The following STIM2 variants were observed in gnomAD, a reference collection of about 807,000 sequenced individuals.
STIM2 encodes stromal interaction molecule 2.
STIM2 carries 31 observed loss-of-function variants against 85.8 expected under a neutral mutation model. The ratio of observed to expected loss-of-function variants is 0.36; its 90% confidence interval spans 0.27 to 0.49. STIM2 has a LOEUF of 0.49. STIM2 is among the 20% of genes least tolerant of loss of function. The pLI is 0.98. For synonymous variants in STIM2, 356 were observed against 331.1 expected, an observed-to-expected ratio of 1.08 and a Z score of -0.82; for missense variants, 841 against 927.6, an observed-to-expected ratio of 0.91 and a Z score of 1.21.
At chr4:26,948,764 G>A (rs1232464069) in intron 2 of STIM2, among the ~76,000 whole-genome samples, 5 of 151,798 alleles carry the variant, frequency 3.3e-5, no homozygotes, top group Admixed American at 2.6e-4. Flanking sequence ...GATAAATTAT[G>A]TATTACTAAT....
rs1491493168 is a variant in STIM2 at position 26,860,923 on chromosome 4, CCT to C, written c.-295_-294del. On this transcript the variant is annotated 5_prime_UTR_variant, in exon 1 of 12. Coordinates refer to ENST00000467087, the MANE Select transcript of STIM2 (RefSeq NM_020860.4). ...AGACGCCGTACCTTTCTACCCCCCA[CCT>C]TTTTTTTTTTTTTTTTTAAATAACC... 3 of 852,106 alleles carry C rather than the reference CCT, an allele frequency of 3.5e-6. No individual in the cohort carries two copies. The highest frequency in any genetic ancestry group is 1.9e-5 in the South Asian group (1 of 51,388). The allele number at this position is 852,106 out of a possible 1,614,324, so 52.8% of individuals were successfully genotyped here.
At chr4:26,940,749 A>G (rs1382677509) in intron 2 of STIM2, among the ~76,000 whole-genome samples, 1 of 152,114 alleles carries the variant, frequency 6.6e-6, no homozygotes, top group Non-Finnish European at 1.5e-5. Context: ...TTAGAACATA[A>G]TATTTTGCTA....
intron 2 of STIM2, among the ~76,000 whole-genome samples, chr4:26,951,177 AC>A (rs1305936764): frequency 6.6e-6 from 1 of 152,122 alleles, no homozygotes; most frequent in Non-Finnish European, 1.5e-5. Context: ...AAACTCTTGA[AC>A]TTTTTATACA....
At chr4:26,967,825 C>G (rs1255925669) in intron 3 of STIM2, among the ~76,000 whole-genome samples, 2 of 152,132 alleles carry the variant, frequency 1.3e-5, no homozygotes, top group East Asian at 1.9e-4. Context: ...TCCCCCTCCC[C>G]CCTCCTCCAA....
intron 1 of STIM2, chr4:26,873,890 C>T: frequency 1.5e-6 from 2 of 1,353,924 alleles, no homozygotes; most frequent in Non-Finnish European, 2.1e-6. Context: ...CTCCTTCTCC[C>T]AGGGGTCTGC....
At chr4:26,971,456 A>G (rs1044483951) in intron 3 of STIM2, among the ~76,000 whole-genome samples, 1 of 152,176 alleles carries the variant, frequency 6.6e-6, no homozygotes, top group African/African-American at 2.4e-5. Context: ...TCAGCTTTCT[A>G]CATATAGCTA....
At chr4:26,969,793 A>G (rs1577469890) in intron 3 of STIM2, among the ~76,000 whole-genome samples, 1 of 152,154 alleles carries the variant, frequency 6.6e-6, no homozygotes, top group African/African-American at 2.4e-5. Flanking sequence ...GTTTTCAAGG[A>G]TGCCCCAAAG....
intron 3 of STIM2, among the ~76,000 whole-genome samples, chr4:26,982,345 A>G (rs749774767): frequency 9.2e-5 from 14 of 152,114 alleles, no homozygotes; most frequent in Non-Finnish European, 1.9e-4. Context: ...TGTTACTATT[A>G]TGATTTTGAT....
At chr4:26,937,680 A>C (rs1013929900) in intron 2 of STIM2, among the ~76,000 whole-genome samples, 2 of 152,228 alleles carry the variant, frequency 1.3e-5, no homozygotes, top group African/African-American at 4.8e-5. Context: ...TAATAATTAC[A>C]TCCAGACAAA....
intron 1 of STIM2, among the ~76,000 whole-genome samples, chr4:26,886,322 T>C (rs76277674): frequency 6.6e-6 from 1 of 152,242 alleles, no homozygotes; most frequent in East Asian, 1.9e-4. Context: ...TTGTAGGTAT[T>C]GGAGCAATGA....
At chr4:26,898,276 G>A (rs546781557) in intron 1 of STIM2, among the ~76,000 whole-genome samples, 1 of 152,182 alleles carries the variant, frequency 6.6e-6, no homozygotes, top group Non-Finnish European at 1.5e-5. Context: ...GTAAGATTTA[G>A]CAGCTTGGTT....
chr4:26,946,156 TATAAAG>T (rs1347584385), intron 2 of STIM2, among the ~76,000 whole-genome samples: 12 of 152,192 alleles, frequency 7.9e-5, no homozygotes. Flanking sequence ...GTTTCAGTTG[TATAAAG>T]ATAGTGTTGC....
At chr4:26,937,315 G>C (rs762596247) in intron 2 of STIM2, among the ~76,000 whole-genome samples, 1 of 152,124 alleles carries the variant, frequency 6.6e-6, no homozygotes, top group Admixed American at 6.5e-5. Flanking sequence ...GTGGGAGTAG[G>C]GTTGTGAATT....
chr4:26,895,628 T>C (rs1189275034), intron 1 of STIM2, among the ~76,000 whole-genome samples: 1 of 152,204 alleles, frequency 6.6e-6, no homozygotes, highest in Admixed American at 6.5e-5. Context: ...TCATCAGTTT[T>C]AAGTCTCCAT....
At chr4:27,002,427 A>G in intron 6 of STIM2, 33 bp downstream of exon 6, 3 of 1,531,368 alleles carry the variant, frequency 2.0e-6, no homozygotes, top group Non-Finnish European at 2.6e-6. Flanking sequence ...TCATTTATGT[A>G]GGCAAATACA....
chr4:26,894,045 C>T (rs1204193514), intron 1 of STIM2, among the ~76,000 whole-genome samples: 2 of 152,066 alleles, frequency 1.3e-5, no homozygotes, highest in African/African-American at 4.8e-5. Flanking sequence ...CCCGCCACTG[C>T]GCCAGGCTAA....
chr4:26,919,399 T>G, intron 1 of STIM2, 105 bp from the exon 2 acceptor site: 1 of 1,467,628 alleles, frequency 6.8e-7, no homozygotes. Context: ...TTAGTTTAAC[T>G]TAGTCTGAAG....
chr4:26,866,493 G>A (rs2109424353), intron 1 of STIM2, among the ~76,000 whole-genome samples: 2 of 152,330 alleles, frequency 1.3e-5, no homozygotes, highest in South Asian at 4.1e-4. Context: ...GCTGGACCTT[G>A]ATGTATAGGT....
intron 3 of STIM2, among the ~76,000 whole-genome samples, chr4:26,958,621 T>A (rs2109094226): frequency 6.6e-6 from 1 of 152,244 alleles, no homozygotes; most frequent in South Asian, 2.1e-4. Context: ...TCTGTTGAAA[T>A]ACACTTGGGT....
Sources: gnomAD v4.1 joint callset for allele counts (sites outside exome capture counted in the v4.1 genomes callset) on GRCh38, gnomAD v4.1.1 for gene constraint, MANE v1.5 for transcripts, NCBI Gene and HGNC (gene_info 2026-07-23, HGNC 2026-07-21) for gene names.